Variants in UBE2Q1 observed in about 807,000 individuals in gnomAD.
UBE2Q1 encodes ubiquitin conjugating enzyme E2 Q1.
Under a neutral mutation model 60.1 loss-of-function variants are expected in UBE2Q1, and 6 were observed. The observed-to-expected ratio is 0.10, with a 90% CI of 0.05 to 0.20. The LOEUF is 0.20. Among genes scored for constraint, UBE2Q1 ranks in the 10% least tolerant of loss-of-function variants. The pLI is 1.00. For synonymous variants in UBE2Q1, 226 were observed against 208.3 expected (o/e 1.09, Z -0.73); for missense variants, 262 against 525.8 (o/e 0.50, Z 4.91).
chr1:154,556,075 A>AC, intron 1 of UBE2Q1, 111 bp from the exon 2 acceptor site: 1 of 685,046 alleles, frequency 1.5e-6, no homozygotes, highest in Non-Finnish European at 2.3e-6. Context: ...TCCCACCCCC[A>AC]CCCCCTACAC....
In UBE2Q1 at chr1:154,558,317, T is replaced by G; in HGVS notation, c.237A>C (p.Gly79=). ...CGGGCGCGGCCCCCGCCCCGGCCCC[T>G]CCGGCCCCAGCCAGCAGGAACTCGC... ...LSCEFLLAGA[G]GAGAGAAPGP... The change falls in exon 1 of 13, where the codon GGA becomes GGC. Residue 79 remains glycine, a synonymous_variant. Transcript: ENST00000292211. 6.3e-7 allele frequency: 1 copy of G among 1,575,930 alleles called. No individual in the cohort carries two copies.
intron 2 of UBE2Q1, 91 bp downstream of exon 2, chr1:154,555,769 C>T: frequency 8.3e-7 from 1 of 1,210,624 alleles, no homozygotes; most frequent in Non-Finnish European, 1.2e-6. Context: ...TAGCTGTGTA[C>T]CGTCCACTTT....
intron 1 of UBE2Q1, 90 bp downstream of exon 1, chr1:154,558,137 C>T: frequency 3.5e-6 from 4 of 1,134,294 alleles, no homozygotes; most frequent in Non-Finnish European, 4.9e-6. Flanking sequence ...CTTCGGCCTC[C>T]CAGGTCCTTC....
chr1:154,551,926 A>G lies in UBE2Q1; in HGVS notation c.1020T>C (p.Ser340=). 6.2e-7 allele frequency: 1 copy of G among 1,614,152 alleles called. No homozygotes were observed. Residue 340 remains serine (S), a synonymous_variant, in exon 9 of 13, where the codon TCT becomes TCC. Transcript: ENST00000292211. ...TCCGCATGCCAGCCACTCACCCTCC[A>G]GAGAGGACTGGAGACACAACCCTGA... ...PFVRVVSPVL[S]GGYVLGGGAI... is the part of the protein sequence containing the mutation.
At chr1:154,555,218 G>C (rs539792437) in intron 3 of UBE2Q1, among the ~76,000 whole-genome samples, 1 of 152,314 alleles carries the variant, frequency 6.6e-6, no homozygotes, top group South Asian at 2.1e-4. Flanking sequence ...CCATGAGAAT[G>C]AATTTTGATA....
chr1:154,551,124 A>G (rs1178669164), intron 11 of UBE2Q1, 120 bp from the exon 12 acceptor site: 1 of 1,172,180 alleles, frequency 8.5e-7, no homozygotes, highest in East Asian at 2.3e-5. Context: ...TGGTCTAGTA[A>G]AACACTAAGT....
At chr1:154,553,237 C>T in intron 4 of UBE2Q1, 65 bp from the exon 5 acceptor site, 3 of 1,565,122 alleles carry the variant, frequency 1.9e-6, no homozygotes. Context: ...TAGAGAATGA[C>T]CATCACCTTC....
intron 10 of UBE2Q1, 126 bp downstream of exon 10, chr1:154,551,645 C>T: frequency 6.7e-7 from 1 of 1,485,918 alleles, no homozygotes; most frequent in Non-Finnish European, 9.4e-7. Context: ...TCAGTGGGTG[C>T]AGACCCAGCC....
rs1571006279 is a variant in UBE2Q1 at position 154,550,430 on chromosome 1, C to A, written c.*8G>T. ...GCCTGGGGAGGGAGGAAGGGTGATA[C>A]TCCAGGGTTAGCCGTCTTCTTTTGG... On this transcript the variant is annotated 3_prime_UTR_variant, in exon 13 of 13. Coordinates refer to ENST00000292211, the MANE Select transcript of UBE2Q1 (RefSeq NM_017582.7). 1.2e-6 allele frequency: 2 copies of A among 1,614,074 alleles called. No homozygotes were observed. The highest frequency in any genetic ancestry group is 1.7e-6 in the Non-Finnish European group (2 of 1,180,010).
At chr1:154,552,984 C>G in intron 5 of UBE2Q1, 48 bp downstream of exon 5, 1 of 1,608,676 alleles carries the variant, frequency 6.2e-7, no homozygotes, top group Middle Eastern at 1.7e-4. Context: ...TACTTCCCAG[C>G]CATTTCCCAC....
chr1:154,552,569 G>T, intron 6 of UBE2Q1, 105 bp from the exon 7 acceptor site: 1 of 1,482,282 alleles, frequency 6.7e-7, no homozygotes, highest in Non-Finnish European at 9.3e-7. Context: ...AACAGCTCTA[G>T]GTTCACCACA....
rs376763286 is a variant in UBE2Q1 at position 154,555,552 on chromosome 1, G to C, written c.433-20C>G. On this transcript the variant is annotated intron_variant, in intron 2 of 12. Transcript: ENST00000292211. ...CAATAGCTACAGGTAGGGGAGCACA[G>C]AGACATCAAATCCTTCCCCACTCCG... 1.9e-4 allele frequency: 305 copies of C among 1,606,636 alleles called. No homozygotes were observed. The highest frequency in any genetic ancestry group is 2.4e-4 in the Non-Finnish European group (278 of 1,173,362).
At chr1:154,557,325 A>C (rs1332259158) in intron 1 of UBE2Q1, among the ~76,000 whole-genome samples, 3 of 152,240 alleles carry the variant, frequency 2.0e-5, no homozygotes, top group Non-Finnish European at 4.4e-5. Flanking sequence ...ACAGCAGGTA[A>C]CATCAACCAA....
At position 154,553,113 on chromosome 1, in the gene UBE2Q1, T is replaced by C. The variant is rs1223104639; in HGVS notation, c.648A>G (p.Lys216=). 2 of 1,614,124 alleles carry C rather than the reference T, an allele frequency of 1.2e-6. No homozygotes were observed. Among genetic ancestry groups the C allele is most frequent in the Admixed American group, 1.7e-5 (1 of 60,036 alleles). The part of the protein sequence containing the change: ...MKEEEPAEGK[K]SEDDGIGKEN... Reference sequence around the variant, plus strand: ...CTTTTCCAATGCCATCATCTTCAGATTTCTTGCCCTCAGCTGGCTCTTCCT... The same window carrying C: ...CTTTTCCAATGCCATCATCTTCAGACTTCTTGCCCTCAGCTGGCTCTTCCT... Residue 216 remains lysine (K), a synonymous_variant, in exon 5 of 13, where the codon AAA becomes AAG. Transcript: ENST00000292211.
chr1:154,555,610 T>A, intron 2 of UBE2Q1, 78 bp from the exon 3 acceptor site: 2 of 1,409,360 alleles, frequency 1.4e-6, no homozygotes, highest in South Asian at 2.3e-5. Flanking sequence ...GCTCTTAGTT[T>A]GGGCCCCACA....
rs577889169 is a variant in UBE2Q1 at position 154,551,263 on chromosome 1, G to C, written c.1170+134C>G. The C allele has an allele frequency of 5.0e-5, 49 of 985,512 alleles. No homozygotes were observed. In the African/African-American group the frequency reaches 7.1e-4, roughly 14 times the overall value. 61.0% of individuals were successfully genotyped at this position (985,512 alleles called of 1,614,324 possible). On this transcript the variant is annotated intron_variant, in intron 11 of 12. Transcript: ENST00000292211. ...CAGTTGTTCCATTGTGGGCACCCTAGGCCCTCTCATCCAATGCCACCAGCC... is the reference window on the plus strand; with the variant it reads ...CAGTTGTTCCATTGTGGGCACCCTACGCCCTCTCATCCAATGCCACCAGCC...
rs1425943059 is a variant in UBE2Q1 at position 154,551,950 on chromosome 1, G to A, written c.996C>T (p.Val332=). ...KDNFPFDPPF[V]RVVSPVLSGG... is the part of the protein sequence containing the mutation. Reference sequence around the variant, plus strand: ...CAGAGAGGACTGGAGACACAACCCTGACAAATGGTGGGTCAAAGGGAAAGT... The same window carrying A: ...CAGAGAGGACTGGAGACACAACCCTAACAAATGGTGGGTCAAAGGGAAAGT... Residue 332 remains valine, a synonymous_variant, in exon 9 of 13, where the codon GTC becomes GTT. Coordinates refer to ENST00000292211, the MANE Select transcript of UBE2Q1 (RefSeq NM_017582.7). 1.2e-6 allele frequency: 2 copies of A among 1,614,158 alleles called. No homozygotes were observed. Among genetic ancestry groups the A allele is most frequent in the South Asian group, 2.2e-5 (2 of 91,074 alleles).
At chr1:154,556,293 A>T (rs1216290426) in intron 1 of UBE2Q1, among the ~76,000 whole-genome samples, 6 of 152,176 alleles carry the variant, frequency 3.9e-5, no homozygotes, top group Non-Finnish European at 8.8e-5. Flanking sequence ...TGCACTGCCT[A>T]TACAAGTTCT....
chr1:154,550,544 C>G, intron 12 of UBE2Q1, 75 bp from the exon 13 acceptor site: 1 of 1,604,268 alleles, frequency 6.2e-7, no homozygotes, highest in Non-Finnish European at 8.5e-7. Context: ...TCCCTGAAGA[C>G]GTCTCCAGTG....
Sources: allele counts gnomAD v4.1 joint callset (sites outside exome capture counted in the v4.1 genomes callset), GRCh38; gene constraint gnomAD v4.1.1; transcripts MANE v1.5; gene names NCBI Gene and HGNC (gene_info 2026-07-23, HGNC 2026-07-21).